The following IMMP2L variants were observed in gnomAD, a reference collection of about 807,000 sequenced individuals.
IMMP2L encodes mitochondrial inner membrane protease subunit 2.
IMMP2L carries 18 observed loss-of-function variants against 19.3 expected under a neutral mutation model. That is an observed-to-expected ratio of 0.93 (90% CI 0.64 to 1.38). IMMP2L has a LOEUF of 1.38. Among genes scored for constraint, IMMP2L ranks in the 40% most tolerant of loss-of-function variants. The pLI, the probability that IMMP2L is intolerant of heterozygous loss-of-function variation, is 0.00. For synonymous variants in IMMP2L, 76 were observed against 73.0 expected, an observed-to-expected ratio of 1.04 and a Z score of -0.21; for missense variants, 233 against 218.2, an observed-to-expected ratio of 1.07 and a Z score of -0.43.
At chr7:111,486,925 T>C (rs1438312687) in intron 3 of IMMP2L, among the ~76,000 whole-genome samples, 1 of 152,134 alleles carries the variant, frequency 6.6e-6, no homozygotes, top group Admixed American at 6.6e-5. Flanking sequence ...AAAAAGTTGC[T>C]TACCAAGATG....
At chr7:111,318,398 A>T (rs1311343416) in intron 3 of IMMP2L, among the ~76,000 whole-genome samples, 3 of 152,184 alleles carry the variant, frequency 2.0e-5, no homozygotes, top group Non-Finnish European at 4.4e-5. Flanking sequence ...GTAGTAACAG[A>T]TTGCAGACAC....
chr7:110,954,486 CA>C lies in IMMP2L; in HGVS notation c.305+9013del, dbSNP rs1160941535. On this transcript the variant is annotated intron_variant, in intron 4 of 5. Coordinates refer to ENST00000405709, the MANE Select transcript of IMMP2L (RefSeq NM_032549.4). ...TCAATAAATCATGATTAAATCACAA[CA>C]AAAACTATCACTATCTGATACTTAC... Among the ~76,000 whole-genome samples, 11 of 152,058 alleles carry C rather than the reference CA, an allele frequency of 7.2e-5. No individual in the cohort carries two copies. The South Asian group carries it at 2.3e-3, about 31-fold the overall frequency.
intron 4 of IMMP2L, among the ~76,000 whole-genome samples, chr7:110,957,670 G>T (rs1303037368): frequency 6.6e-6 from 1 of 151,912 alleles, no homozygotes; most frequent in Non-Finnish European, 1.5e-5. Flanking sequence ...CTGGCTTCTT[G>T]TACTTCCTTG....
At chr7:110,927,455 A>G (rs972148346) in intron 4 of IMMP2L, among the ~76,000 whole-genome samples, 1 of 152,170 alleles carries the variant, frequency 6.6e-6, no homozygotes, top group African/African-American at 2.4e-5. Context: ...AGCTGCCCTC[A>G]GGATTATCCA....
At chr7:111,051,589 A>T (rs978723880) in intron 3 of IMMP2L, among the ~76,000 whole-genome samples, 2 of 152,218 alleles carry the variant, frequency 1.3e-5, no homozygotes, top group Admixed American at 1.3e-4. Flanking sequence ...TCGTATTTGA[A>T]AATCTCCTGG....
chr7:111,420,176 T>A (rs982008288), intron 3 of IMMP2L, among the ~76,000 whole-genome samples: 2 of 151,918 alleles, frequency 1.3e-5, no homozygotes, highest in African/African-American at 4.9e-5. Context: ...AGATTCAGCC[T>A]GAATTGAAAA....
At chr7:110,693,729 G>A (rs574304997) in intron 5 of IMMP2L, among the ~76,000 whole-genome samples, 4 of 152,278 alleles carry the variant, frequency 2.6e-5, no homozygotes, top group African/African-American at 9.6e-5. Context: ...TGAGTACAGG[G>A]CAAACCAAAC....
At chr7:110,705,587 C>T (rs1794609161) in intron 5 of IMMP2L, among the ~76,000 whole-genome samples, 1 of 151,864 alleles carries the variant, frequency 6.6e-6, no homozygotes, top group Admixed American at 6.6e-5. Context: ...ATAATTTCAA[C>T]TTTTATTTTA....
At chr7:111,095,141 G>T (rs959252681) in intron 3 of IMMP2L, among the ~76,000 whole-genome samples, 3 of 151,894 alleles carry the variant, frequency 2.0e-5, no homozygotes, top group Non-Finnish European at 4.4e-5. Context: ...CAGGAGACGG[G>T]GAATAAAGAG....
intron 3 of IMMP2L, among the ~76,000 whole-genome samples, chr7:111,096,149 T>C (rs1392392489): frequency 6.6e-6 from 1 of 152,002 alleles, no homozygotes; most frequent in African/African-American, 2.4e-5. Context: ...GAGCAATTTT[T>C]CAACAATTAC....
At chr7:110,976,478 T>A (rs1229807647) in intron 3 of IMMP2L, among the ~76,000 whole-genome samples, 1 of 152,212 alleles carries the variant, frequency 6.6e-6, no homozygotes, top group South Asian at 2.1e-4. Context: ...TTTATGAATA[T>A]CCAAACTGAT....
intron 5 of IMMP2L, among the ~76,000 whole-genome samples, chr7:110,748,792 A>C (rs755755890): frequency 1.8e-4 from 28 of 152,230 alleles, no homozygotes; most frequent in Non-Finnish European, 3.5e-4. Flanking sequence ...AAACCATAAA[A>C]ACCCTAGAAG....
At chr7:110,798,247 T>C (rs1223168626) in intron 5 of IMMP2L, among the ~76,000 whole-genome samples, 2 of 152,018 alleles carry the variant, frequency 1.3e-5, no homozygotes, top group Non-Finnish European at 2.9e-5. Context: ...AAATTCATCT[T>C]ATTTCAAAAC....
rs746058808 is a variant in IMMP2L at position 111,487,237 on chromosome 7, C to T, written c.239+1G>A. 3.5e-6 allele frequency: 5 copies of T among 1,438,134 alleles called. No homozygotes were observed. Among genetic ancestry groups the T allele is most frequent in the East Asian group, 2.3e-5 (1 of 43,966 alleles). 89.1% of individuals were successfully genotyped at this position (1,438,134 alleles called of 1,614,324 possible). A position where few individuals can be genotyped will look rare whatever the true frequency, so the allele number is the denominator to read the frequency against. ...ATATAGTATGCTTCTGAGTTACTTA[C>T]ACCAATGATACAATGTCACCACGGT... On this transcript the variant is annotated splice_donor_variant, in intron 3 of 5. Transcript: ENST00000405709. LOFTEE classifies it high-confidence loss of function.
chr7:111,271,182 C>A (rs1205889452), intron 3 of IMMP2L, among the ~76,000 whole-genome samples: 1 of 152,030 alleles, frequency 6.6e-6, no homozygotes, highest in South Asian at 2.1e-4. Context: ...ACTTCTCCTT[C>A]CTGTTGCCAT....
chr7:110,906,038 C>A (rs373972997), intron 4 of IMMP2L, among the ~76,000 whole-genome samples: 2 of 152,146 alleles, frequency 1.3e-5, no homozygotes, highest in African/African-American at 4.8e-5. Context: ...ATATTTGTGA[C>A]CAAATCTGAG....
chr7:111,082,819 T>C (rs1034119030), intron 3 of IMMP2L, among the ~76,000 whole-genome samples: 2 of 148,446 alleles, frequency 1.3e-5, no homozygotes, highest in African/African-American at 2.5e-5. Flanking sequence ...TTCTGCATCA[T>C]GTCTATGGAA....
intron 5 of IMMP2L, among the ~76,000 whole-genome samples, chr7:110,790,629 C>T (rs965417603): frequency 6.6e-6 from 1 of 151,524 alleles, no homozygotes; most frequent in African/African-American, 2.4e-5. Context: ...GGATGGGTTC[C>T]AGATTTTTGG....
At chr7:111,484,228 T>C (rs1842431596) in intron 3 of IMMP2L, among the ~76,000 whole-genome samples, 1 of 149,024 alleles carries the variant, frequency 6.7e-6, no homozygotes, top group Non-Finnish European at 1.5e-5. Context: ...TTTTAAACTG[T>C]GTTAGTATTT....
Sources: gnomAD v4.1 joint callset for allele counts (sites outside exome capture counted in the v4.1 genomes callset) on GRCh38, gnomAD v4.1.1 for gene constraint, MANE v1.5 for transcripts, NCBI Gene and HGNC (gene_info 2026-07-23, HGNC 2026-07-21) for gene names.